The following FBXO40 variants were observed in gnomAD, a reference collection of about 807,000 sequenced individuals.
FBXO40 encodes the protein F-box only protein 40.
Under a neutral mutation model 49.9 loss-of-function variants are expected in FBXO40, and 50 were observed. The ratio of observed to expected loss-of-function variants is 1.00; its 90% CI spans 0.80 to 1.27. The LOEUF is 1.27. Among genes scored for constraint, FBXO40 ranks in the 50% most tolerant of loss-of-function variants. FBXO40 has a pLI of 0.00. For missense variants in FBXO40, 895 were observed against 870.1 expected, an observed-to-expected ratio of 1.03 and a Z score of -0.36; for synonymous variants, 340 against 320.2, an observed-to-expected ratio of 1.06 and a Z score of -0.66.
chr3:121,605,378 T>C (rs771932455), intron 1 of FBXO40, among the ~76,000 whole-genome samples: 35 of 152,088 alleles, frequency 2.3e-4, no homozygotes, highest in Non-Finnish European at 7.4e-5. Flanking sequence ...TGCATATCAG[T>C]TGGGTTTTGG....
rs373853348 is a variant in FBXO40 at position 121,626,953 on chromosome 3, C to T, written c.*43C>T. 27 of 1,586,794 alleles carry T rather than the reference C, an allele frequency of 1.7e-5. No individual in the cohort carries two copies. In the African/African-American group the frequency reaches 2.4e-4, roughly 14 times the overall value. The stretch of plus-strand genomic sequence containing the variant: ...GATGCACCCTTCTTGGATTTCTTCT[C>T]GGAGTTCCTGAAGTAGGACAGAGTG... On this transcript the variant is annotated 3_prime_UTR_variant, in exon 4 of 4. Transcript: ENST00000338040.
chr3:121,601,340 T>C (rs959060049), intron 1 of FBXO40, among the ~76,000 whole-genome samples: 2 of 152,114 alleles, frequency 1.3e-5, no homozygotes, highest in Non-Finnish European at 2.9e-5. Flanking sequence ...GCTCTGTACA[T>C]GTCCTCTCTC....
chr3:121,615,015 C>T (rs1193769906), intron 1 of FBXO40, among the ~76,000 whole-genome samples: 3 of 151,998 alleles, frequency 2.0e-5, no homozygotes, highest in Admixed American at 6.6e-5. Context: ...GTCAGGAGAT[C>T]GAGACTATCC....
At position 121,622,155 on chromosome 3, in the gene FBXO40, C is replaced by T. The variant is rs755468260; in HGVS notation, c.726C>T (p.Asn242=). ...TNSSASCESK[N]KNDSEKEQIS... ...CATCAGCGAGCTGTGAGAGCAAGAA[C>T]AAGAATGACTCCGAGAAAGAACAGA... The change falls in exon 3 of 4, where the codon AAC becomes AAT. Residue 242 remains asparagine, a synonymous_variant. Coordinates refer to ENST00000338040, the MANE Select transcript of FBXO40 (RefSeq NM_016298.4). 2.5e-6 allele frequency: 4 copies of T among 1,614,146 alleles called. No individual in the cohort carries two copies. In the South Asian group the frequency reaches 4.4e-5, roughly 18 times the overall value.
At chr3:121,593,813 A>G (rs954049609) in intron 1 of FBXO40, among the ~76,000 whole-genome samples, 1 of 152,124 alleles carries the variant, frequency 6.6e-6, no homozygotes, top group Non-Finnish European at 1.5e-5. Context: ...GATCTGGGGA[A>G]GTGGAGGAGG....
At chr3:121,599,618 A>G (rs2048890407) in intron 1 of FBXO40, among the ~76,000 whole-genome samples, 1 of 149,336 alleles carries the variant, frequency 6.7e-6, no homozygotes, top group African/African-American at 2.5e-5. Flanking sequence ...TCTAGTAGGT[A>G]TTTCATTTTA....
At chr3:121,599,521 G>T (rs1402393542) in intron 1 of FBXO40, among the ~76,000 whole-genome samples, 3 of 149,260 alleles carry the variant, frequency 2.0e-5, no homozygotes, top group Non-Finnish European at 4.4e-5. Flanking sequence ...AAAGGGAAAT[G>T]GCACCTGGAT....
intron 1 of FBXO40, among the ~76,000 whole-genome samples, chr3:121,601,921 G>A (rs1452448046): frequency 6.6e-6 from 1 of 152,234 alleles, no homozygotes; most frequent in Non-Finnish European, 1.5e-5. Context: ...CAACAATGGA[G>A]TGTATGCTTA....
chr3:121,622,724 A>C lies in FBXO40; in HGVS notation c.1295A>C (p.Asn432Thr), dbSNP rs201421773. 7 of 1,614,188 alleles carry C rather than the reference A, an allele frequency of 4.3e-6. No homozygotes were observed. In the Admixed American group the frequency reaches 1.0e-4, roughly 23 times the overall value. Reference protein sequence around the residue: ...LFMDFATQTYNFEPEQFSSGT... With the variant: ...LFMDFATQTYTFEPEQFSSGT... ...ATGGATTTTGCCACACAAACATACA[A>C]CTTTGAGCCAGAACAGTTTTCCTCT... Residue 432 changes from asparagine to threonine, a missense_variant, in exon 3 of 4, where the codon AAC becomes ACC. Transcript: ENST00000338040.
rs772810351 is a variant in FBXO40 at position 121,621,975 on chromosome 3, A to G, written c.546A>G (p.Pro182=). 2 of 1,614,220 alleles carry G rather than the reference A, an allele frequency of 1.2e-6. No individual in the cohort carries two copies. Among genetic ancestry groups the G allele is most frequent in the African/African-American group, 2.7e-5 (2 of 75,062 alleles). The change falls in exon 3 of 4, where the codon CCA becomes CCG. Residue 182 remains proline, a synonymous_variant. Coordinates refer to ENST00000338040, the MANE Select transcript of FBXO40 (RefSeq NM_016298.4). ...GTGGAGTGGATATCGGTTTGGTACCACATGGTCTGTCAGCAACTAATGGGG... is the reference window on the plus strand; with the variant it reads ...GTGGAGTGGATATCGGTTTGGTACCGCATGGTCTGTCAGCAACTAATGGGG... The part of the protein sequence containing the change: ...AVGGVDIGLV[P]HGLSATNGEM...
intron 3 of FBXO40, among the ~76,000 whole-genome samples, chr3:121,624,923 G>C (rs530093946): frequency 7.9e-5 from 12 of 152,182 alleles, no homozygotes; most frequent in African/African-American, 2.7e-4. Context: ...AGTGCCGCCT[G>C]TTCCCAGCTG....
chr3:121,601,059 G>A lies in FBXO40; in HGVS notation c.-31+7557G>A, dbSNP rs149107063. Among the ~76,000 whole-genome samples, 168 of 152,262 alleles carry A rather than the reference G, an allele frequency of 1.1e-3. 3 individuals are homozygous for A. In the East Asian group the frequency reaches 0.025, roughly 23 times the overall value. ...ATCAATCAACTGTCCAGATTTGCCC[G>A]GAACTCAGGCATTTTCTGGGATATG... On this transcript the variant is annotated intron_variant, in intron 1 of 3. Coordinates refer to ENST00000338040, the MANE Select transcript of FBXO40 (RefSeq NM_016298.4).
chr3:121,622,428 C>T lies in FBXO40; in HGVS notation c.999C>T (p.Asp333=), dbSNP rs1560132737. 2 of 1,614,182 alleles carry T rather than the reference C, an allele frequency of 1.2e-6. No individual in the cohort carries two copies. The highest frequency in any genetic ancestry group is 1.7e-5 in the Admixed American group (1 of 60,010). The part of the protein sequence containing the change: ...QMPACTPKER[D]FVYGKLEAQE... ...CTGCTTGTACACCCAAGGAGAGAGACTTTGTTTATGGCAAGCTGGAGGCTC... is the reference window on the plus strand; with the variant it reads ...CTGCTTGTACACCCAAGGAGAGAGATTTTGTTTATGGCAAGCTGGAGGCTC... Residue 333 remains aspartate (D), a synonymous_variant, in exon 3 of 4, where the codon GAC becomes GAT. Transcript: ENST00000338040.
chr3:121,594,133 G>A lies in FBXO40; in HGVS notation c.-31+631G>A, dbSNP rs531947915. On this transcript the variant is annotated intron_variant, in intron 1 of 3. Transcript: ENST00000338040. ...TCCGCCCACCTCAGCCTCCAAAAGC[G>A]CTGGGATTACAGGTCTGAGCCACTG... Among the ~76,000 whole-genome samples the A allele has an allele frequency of 7.9e-5, 12 of 152,002 alleles. No homozygotes were observed. In the East Asian group the frequency reaches 1.7e-3, roughly 22 times the overall value.
chr3:121,626,920 T>G lies in FBXO40; in HGVS notation c.*10T>G. On this transcript the variant is annotated 3_prime_UTR_variant, in exon 4 of 4. Coordinates refer to ENST00000338040, the MANE Select transcript of FBXO40 (RefSeq NM_016298.4). ...AAGATACGTCTCCTAAAAATTCAGA[T>G]GCCACTCGATGCACCCTTCTTGGAT... is the stretch of plus-strand genomic sequence containing the variant. The G allele has an allele frequency of 6.2e-7, 1 of 1,611,558 alleles. No homozygotes were observed. The highest frequency in any genetic ancestry group is 8.5e-7 in the Non-Finnish European group (1 of 1,177,748).
At chr3:121,620,512 CTTACTA>C in intron 1 of FBXO40, 28 bp from the exon 2 acceptor site, 6 of 1,602,306 alleles carry the variant, frequency 3.7e-6, no homozygotes, top group Non-Finnish European at 5.1e-6. Context: ...AACTGTTTTT[CTTACTA>C]ATTATTTATA....
chr3:121,611,497 G>A (rs140454406), intron 1 of FBXO40, among the ~76,000 whole-genome samples: 6 of 152,290 alleles, frequency 3.9e-5, no homozygotes, highest in African/African-American at 1.4e-4. Context: ...AGGCAGCATT[G>A]CTGTAAACAT....
chr3:121,599,436 C>T (rs2048889462), intron 1 of FBXO40, among the ~76,000 whole-genome samples: 1 of 145,486 alleles, frequency 6.9e-6, no homozygotes, highest in Non-Finnish European at 1.5e-5. Context: ...CCACTGCACT[C>T]CAGCCTGGGC....
Position 121,622,712 on chromosome 3 carries a change from C to A in FBXO40, c.1283C>A (p.Thr428Lys), listed in dbSNP as rs369070659. ...GATGGACTGTTCATGGATTTTGCCA[C>A]ACAAACATACAACTTTGAGCCAGAA... Reference protein sequence around the residue: ...SIDGLFMDFATQTYNFEPEQF... With the variant: ...SIDGLFMDFAKQTYNFEPEQF... Residue 428 changes from threonine to lysine, a missense_variant, in exon 3 of 4, where the codon ACA becomes AAA. Thr to Lys is a moderately conservative substitution (Grantham distance 78, BLOSUM62 -1). Coordinates refer to ENST00000338040, the MANE Select transcript of FBXO40 (RefSeq NM_016298.4). 5 of 1,614,058 alleles carry A rather than the reference C, an allele frequency of 3.1e-6. No individual in the cohort carries two copies. In the African/African-American group the frequency reaches 4.0e-5, roughly 13 times the overall value.
Sources: allele counts gnomAD v4.1 joint callset (sites outside exome capture counted in the v4.1 genomes callset), GRCh38; gene constraint gnomAD v4.1.1; transcripts MANE v1.5; gene names NCBI Gene and HGNC (gene_info 2026-07-23, HGNC 2026-07-21).